The following PCDH15 variants were observed in gnomAD, a reference collection of about 807,000 sequenced individuals.
PCDH15 encodes the protein protocadherin-15.
Under a neutral mutation model 178.5 loss-of-function variants are expected in PCDH15, and 129 were observed. The ratio of observed to expected loss-of-function variants is 0.72; its 90% confidence interval spans 0.63 to 0.84. The LOEUF (loss-of-function observed/expected upper bound fraction) is 0.84, where lower values mean the gene tolerates loss of function less well. Ranked by LOEUF, PCDH15 falls within the 40% of genes least tolerant of loss-of-function variation. PCDH15 has a pLI of 0.00. For synonymous variants in PCDH15, 800 were observed against 732.0 expected, an observed-to-expected ratio of 1.09 and a Z score of -1.50; for missense variants, 2,230 against 2,099.9, an observed-to-expected ratio of 1.06 and a Z score of -1.21.
intron 2 of PCDH15, among the ~76,000 whole-genome samples, chr10:54,628,825 A>G (rs184874498): frequency 2.6e-5 from 4 of 152,280 alleles, no homozygotes; most frequent in Non-Finnish European, 5.9e-5. Flanking sequence ...AATGTGGCTG[A>G]CATGATGTCT....
intron 2 of PCDH15, among the ~76,000 whole-genome samples, chr10:55,605,608 A>G (rs1417285043): frequency 6.7e-6 from 1 of 149,178 alleles, no homozygotes; most frequent in Non-Finnish European, 1.5e-5. Context: ...AAATCAATAA[A>G]TGTAATCCAG....
intron 2 of PCDH15, among the ~76,000 whole-genome samples, chr10:55,350,676 C>A (rs1257551621): frequency 6.6e-6 from 1 of 151,906 alleles, no homozygotes; most frequent in Non-Finnish European, 1.5e-5. Flanking sequence ...TAGAAAGTGT[C>A]AAATCAAAGG....
At chr10:54,611,828 T>G (rs1378410112) in intron 2 of PCDH15, among the ~76,000 whole-genome samples, 1 of 151,928 alleles carries the variant, frequency 6.6e-6, no homozygotes, top group Non-Finnish European at 1.5e-5. Flanking sequence ...ACCATATTCC[T>G]ACTTGTTTTG....
chr10:53,937,214 T>A (rs1444914969), intron 25 of PCDH15, among the ~76,000 whole-genome samples: 1 of 152,176 alleles, frequency 6.6e-6, no homozygotes, highest in African/African-American at 2.4e-5. Context: ...TATTCACATA[T>A]AAGAACTTAA....
At chr10:53,912,715 C>A (rs2083201172) in intron 25 of PCDH15, among the ~76,000 whole-genome samples, 1 of 152,112 alleles carries the variant, frequency 6.6e-6, no homozygotes, top group Non-Finnish European at 1.5e-5. Context: ...AATAAAATAC[C>A]TAGGAATCCA....
intron 26 of PCDH15, among the ~76,000 whole-genome samples, chr10:53,887,695 T>C (rs921583636): frequency 6.6e-5 from 10 of 152,112 alleles, no homozygotes; most frequent in Non-Finnish European, 1.2e-4. Context: ...CAGACCATCC[T>C]GACTAACACG....
chr10:55,289,859 T>TG (rs1439424026), intron 1 of PCDH15, among the ~76,000 whole-genome samples: 1 of 152,040 alleles, frequency 6.6e-6, no homozygotes, highest in Non-Finnish European at 1.5e-5. Flanking sequence ...TGAGTTCTCT[T>TG]GGGAGTGAAT....
At chr10:53,955,980 A>G (rs1249272638) in intron 23 of PCDH15, among the ~76,000 whole-genome samples, 1 of 152,216 alleles carries the variant, frequency 6.6e-6, no homozygotes, top group Non-Finnish European at 1.5e-5. Context: ...TAGCAATTGA[A>G]CATATTAAAA....
rs1301264433 is a variant in PCDH15 at position 54,314,959 on chromosome 10, C to G, written c.876+2312G>C. Among the ~76,000 whole-genome samples the G allele has an allele frequency of 2.0e-5, 3 of 152,262 alleles. No homozygotes were observed. The South Asian group carries it at 6.2e-4, about 32-fold the overall frequency. ...TCATTCATGGGCATTTAGATTGACTCCATGTCTTTGCTATTGTGAATAGTG... is the reference window on the plus strand; with the variant it reads ...TCATTCATGGGCATTTAGATTGACTGCATGTCTTTGCTATTGTGAATAGTG... On this transcript the variant is annotated intron_variant, in intron 8 of 37. Coordinates refer to ENST00000644397, the MANE Select transcript of PCDH15 (RefSeq NM_001384140.1).
At chr10:54,352,783 C>T (rs1019320211) in intron 5 of PCDH15, among the ~76,000 whole-genome samples, 5 of 151,958 alleles carry the variant, frequency 3.3e-5, no homozygotes, top group African/African-American at 9.7e-5. Context: ...CCTAGAAAAC[C>T]CAATCAAGAT....
At chr10:54,037,912 C>T (rs916405385) in intron 18 of PCDH15, among the ~76,000 whole-genome samples, 6 of 151,924 alleles carry the variant, frequency 3.9e-5, no homozygotes, top group African/African-American at 1.4e-4. Flanking sequence ...AACATTACTC[C>T]TGCTACTTTC....
chr10:54,846,287 A>G (rs1953510014), intron 3 of PCDH15, among the ~76,000 whole-genome samples: 3 of 152,164 alleles, frequency 2.0e-5, no homozygotes. Context: ...AAAAGAATGG[A>G]TAATCTTCTA....
chr10:55,608,729 G>A (rs909807255), intron 2 of PCDH15, among the ~76,000 whole-genome samples: 13 of 151,916 alleles, frequency 8.6e-5, no homozygotes, highest in Non-Finnish European at 1.9e-4. Context: ...CTAAAACTGA[G>A]GGGTTTACAT....
chr10:54,391,920 C>G (rs1386412327), intron 3 of PCDH15, among the ~76,000 whole-genome samples: 1 of 152,002 alleles, frequency 6.6e-6, no homozygotes, highest in Non-Finnish European at 1.5e-5. Context: ...GATATAGATT[C>G]GGGAGAAATT....
intron 1 of PCDH15, among the ~76,000 whole-genome samples, chr10:54,671,527 A>T (rs1224390953): frequency 6.6e-6 from 1 of 152,156 alleles, no homozygotes; most frequent in Non-Finnish European, 1.5e-5. Context: ...ATAAGGGTAA[A>T]CTAGTTAAAA....
At chr10:54,114,807 G>C (rs10763071) in intron 15 of PCDH15, among the ~76,000 whole-genome samples, 89,777 of 151,844 alleles carry the variant, frequency 0.59, 27,063 homozygotes, top group East Asian at 0.99. Context: ...CGGTTCCAGA[G>C]GTAGGAATCA....
intron 2 of PCDH15, among the ~76,000 whole-genome samples, chr10:55,349,556 T>C (rs767181246): frequency 2.6e-5 from 4 of 152,038 alleles, no homozygotes; most frequent in Non-Finnish European, 5.9e-5. Flanking sequence ...TCTGAAAAAT[T>C]ACCTCTTCTC....
intron 13 of PCDH15, among the ~76,000 whole-genome samples, chr10:54,181,798 G>A (rs1338678983): frequency 6.6e-6 from 1 of 152,094 alleles, no homozygotes; most frequent in East Asian, 1.9e-4. Flanking sequence ...CACAGCAGAA[G>A]CTATTTACAC....
chr10:54,121,391 A>G (rs72797038), intron 15 of PCDH15, among the ~76,000 whole-genome samples: 16,682 of 152,082 alleles, frequency 0.11, 1,064 homozygotes, highest in African/African-American at 0.17. Context: ...AAGTAGATAA[A>G]CAAGAACAAA....
Sources: allele counts gnomAD v4.1 joint callset (sites outside exome capture counted in the v4.1 genomes callset), GRCh38; gene constraint gnomAD v4.1.1; transcripts MANE v1.5; gene names NCBI Gene and HGNC (gene_info 2026-07-23, HGNC 2026-07-21).